DTNA: variants seen among roughly 807,000 people sequenced by gnomAD.
DTNA encodes the protein dystrophin-related protein 3.
In DTNA, 43 loss-of-function variants were observed where a neutral mutation model predicts 100.7. The ratio of observed to expected loss-of-function variants is 0.43; its 90% CI spans 0.33 to 0.55. The LOEUF (loss-of-function observed/expected upper bound fraction) is 0.55, where lower values mean the gene tolerates loss of function less well. DTNA is among the 20% of genes least tolerant of loss of function. The pLI, the probability that DTNA is intolerant of heterozygous loss-of-function variation, is 0.04. For missense variants in DTNA, 798 were observed against 953.9 expected (o/e 0.84, Z 2.15); for synonymous variants, 349 against 347.9 (o/e 1.00, Z -0.04).
At chr18:34,542,707 G>A (rs777319483) in intron 1 of DTNA, among the ~76,000 whole-genome samples, 10 of 151,824 alleles carry the variant, frequency 6.6e-5, no homozygotes, top group Non-Finnish European at 1.3e-4. Context: ...ATTAAGAGTG[G>A]AGATGTCACT....
intron 1 of DTNA, among the ~76,000 whole-genome samples, chr18:34,519,940 G>C (rs925608379): frequency 3.3e-5 from 5 of 152,134 alleles, no homozygotes; most frequent in African/African-American, 1.2e-4. Flanking sequence ...TATTCTTTCT[G>C]AAATACCATA....
chr18:34,679,074 A>G (rs2077742309), intron 1 of DTNA, among the ~76,000 whole-genome samples: 2 of 152,184 alleles, frequency 1.3e-5, no homozygotes, highest in African/African-American at 4.8e-5. Flanking sequence ...TCAATAAAAT[A>G]TCCCAGAAAA....
chr18:34,792,747 G>A (rs1199615719), intron 3 of DTNA, among the ~76,000 whole-genome samples: 1 of 152,122 alleles, frequency 6.6e-6, no homozygotes, highest in African/African-American at 2.4e-5. Context: ...AAAATACTTT[G>A]GAACTTTCTT....
At chr18:34,591,205 GCATA>G (rs2049686536) in intron 1 of DTNA, among the ~76,000 whole-genome samples, 1 of 151,588 alleles carries the variant, frequency 6.6e-6, no homozygotes, top group Admixed American at 6.6e-5. Context: ...TCACACACAT[GCATA>G]CATACATACA....
intron 1 of DTNA, among the ~76,000 whole-genome samples, chr18:34,718,778 C>A (rs926933523): frequency 6.6e-6 from 1 of 152,044 alleles, no homozygotes; most frequent in African/African-American, 2.4e-5. Context: ...TAACTACAAG[C>A]CAGAGTGAGT....
chr18:34,849,601 A>G (rs187318240), intron 14 of DTNA, among the ~76,000 whole-genome samples: 2 of 152,356 alleles, frequency 1.3e-5, no homozygotes, highest in Admixed American at 1.3e-4. Context: ...CAATTACAAA[A>G]TGGCAGCCTG....
At chr18:34,631,073 A>G (rs936845458) in intron 1 of DTNA, among the ~76,000 whole-genome samples, 4 of 152,320 alleles carry the variant, frequency 2.6e-5, no homozygotes, top group Non-Finnish European at 5.9e-5. Flanking sequence ...TTAAACAATA[A>G]TACTAGCTAA....
At chr18:34,504,020 T>TC (rs1206979119) in intron 1 of DTNA, 1 of 146,698 alleles carries the variant, frequency 6.8e-6, no homozygotes, top group Non-Finnish European at 1.5e-5. Flanking sequence ...TTTTTCTTTC[T>TC]TTTTTTTTTG....
At chr18:34,698,662 G>T (rs1393168286) in intron 1 of DTNA, among the ~76,000 whole-genome samples, 2 of 152,208 alleles carry the variant, frequency 1.3e-5, no homozygotes, top group Non-Finnish European at 2.9e-5. Flanking sequence ...TAGGCTGTCT[G>T]CAAGCTGAGG....
chr18:34,632,544 ATCTT>A (rs1267881222), intron 1 of DTNA, among the ~76,000 whole-genome samples: 4 of 152,182 alleles, frequency 2.6e-5, no homozygotes, highest in African/African-American at 7.2e-5. Context: ...GTCAGGGAGA[ATCTT>A]TCTATCAGCG....
chr18:34,525,874 C>T (rs920505418), intron 1 of DTNA, among the ~76,000 whole-genome samples: 1 of 152,142 alleles, frequency 6.6e-6, no homozygotes, highest in Non-Finnish European at 1.5e-5. Context: ...CATGTATTTA[C>T]CCTGGCTGTG....
At chr18:34,518,704 CGTGTGTGTGTGTGTGT>C (rs57035462) in intron 1 of DTNA, among the ~76,000 whole-genome samples, 15 of 121,536 alleles carry the variant, frequency 1.2e-4, no homozygotes, top group African/African-American at 4.3e-4. Context: ...ATTTGGCAAA[CGTGTGTGTGTGTGTGT>C]GTGTGTGTGT....
chr18:34,590,262 T>G (rs1274121400), intron 1 of DTNA, among the ~76,000 whole-genome samples: 1 of 152,250 alleles, frequency 6.6e-6, no homozygotes, highest in Non-Finnish European at 1.5e-5. Flanking sequence ...TACTTTTTCT[T>G]GGGCAGTATC....
chr18:34,790,880 A>G (rs889224061), intron 3 of DTNA, among the ~76,000 whole-genome samples: 1 of 152,152 alleles, frequency 6.6e-6, no homozygotes, highest in African/African-American at 2.4e-5. Context: ...GTGGGATTAC[A>G]GTGATGTTTA....
chr18:34,786,886 C>T (rs1458747190), intron 3 of DTNA, among the ~76,000 whole-genome samples: 5 of 152,156 alleles, frequency 3.3e-5, no homozygotes, highest in Admixed American at 6.5e-5. Flanking sequence ...TTGCAATACA[C>T]CTCACAACCT....
chr18:34,518,099 A>G (rs2041823829), intron 1 of DTNA, among the ~76,000 whole-genome samples: 1 of 152,162 alleles, frequency 6.6e-6, no homozygotes, highest in African/African-American at 2.4e-5. Flanking sequence ...TTTAATGTTA[A>G]CACTATGTTT....
At chr18:34,769,839 A>G (rs1164503250) in intron 3 of DTNA, among the ~76,000 whole-genome samples, 3 of 149,436 alleles carry the variant, frequency 2.0e-5, no homozygotes, top group South Asian at 4.3e-4. Flanking sequence ...CTCCTGCCTT[A>G]GCCTCCCAAG....
chr18:34,622,374 T>G (rs1184162696), intron 1 of DTNA, among the ~76,000 whole-genome samples: 1 of 152,204 alleles, frequency 6.6e-6, no homozygotes, highest in African/African-American at 2.4e-5. Context: ...ACAACTTGAA[T>G]TGTTATCCAT....
chr18:34,718,759 C>G (rs78991809), intron 1 of DTNA, among the ~76,000 whole-genome samples: 5,310 of 152,160 alleles, frequency 0.035, 291 homozygotes, highest in African/African-American at 0.12. Context: ...GTAAGGAGGA[C>G]TTTGGCAGTA....
Sources: gnomAD v4.1 joint callset for allele counts (sites outside exome capture counted in the v4.1 genomes callset) on GRCh38, gnomAD v4.1.1 for gene constraint, MANE v1.5 for transcripts, NCBI Gene and HGNC (gene_info 2026-07-23, HGNC 2026-07-21) for gene names.